The following RANBP2 variants were observed in gnomAD, a reference collection of about 807,000 sequenced individuals.
RANBP2 encodes E3 SUMO-protein ligase RanBP2.
RANBP2 carries 57 observed loss-of-function variants against 303.6 expected under a neutral mutation model. The observed-to-expected ratio is 0.19, with a 90% CI of 0.15 to 0.23. The LOEUF is 0.23. RANBP2 is among the 10% of genes least tolerant of loss of function. RANBP2 has a pLI of 1.00. For missense variants in RANBP2, 3,138 were observed against 3,780.8 expected, an observed-to-expected ratio of 0.83 and a Z score of 4.46; for synonymous variants, 1,167 against 1,301.5, an observed-to-expected ratio of 0.90 and a Z score of 2.23.
chr2:109,055,969 AG>A, the RANBP2 span, among the ~76,000 whole-genome samples: 1 of 151,710 alleles, frequency 6.6e-6, no homozygotes, highest in East Asian at 1.9e-4. Flanking sequence ...CATCTTGGCC[AG>A]GCTGGTCTTG....
At chr2:108,898,056 T>A in the RANBP2 span, among the ~76,000 whole-genome samples, 1 of 152,202 alleles carries the variant, frequency 6.6e-6, no homozygotes, top group Non-Finnish European at 1.5e-5. Flanking sequence ...AAAAGTCTTC[T>A]GTCTCTAGTC....
the RANBP2 span, among the ~76,000 whole-genome samples, chr2:109,411,198 G>A: frequency 5.3e-5 from 8 of 152,188 alleles, no homozygotes; most frequent in Non-Finnish European, 8.8e-5. Context: ...GGGGAGAGGC[G>A]CCATTGGTTG....
chr2:109,051,008 C>T, the RANBP2 span, among the ~76,000 whole-genome samples: 5 of 152,200 alleles, frequency 3.3e-5, no homozygotes, highest in African/African-American at 7.2e-5. Flanking sequence ...CTTCCTCTGC[C>T]CCAGTTCTCC....
At chr2:108,994,296 C>T in the RANBP2 span, among the ~76,000 whole-genome samples, 1 of 152,154 alleles carries the variant, frequency 6.6e-6, no homozygotes, top group Non-Finnish European at 1.5e-5. Flanking sequence ...AAAGGCATGC[C>T]CTCTCCCGTG....
the RANBP2 span, among the ~76,000 whole-genome samples, chr2:109,013,331 T>G: frequency 1.3e-5 from 2 of 152,194 alleles, no homozygotes; most frequent in African/African-American, 4.8e-5. Context: ...ACAGCAGGTT[T>G]TTGCAAAGCT....
chr2:109,743,036 G>A, the RANBP2 span, among the ~76,000 whole-genome samples: 6 of 148,246 alleles, frequency 4.0e-5, no homozygotes, highest in East Asian at 9.7e-4. Flanking sequence ...TTTGGGAGGC[G>A]GAGATGGGAG....
At chr2:109,129,738 C>A in the RANBP2 span, 2 of 1,539,118 alleles carry the variant, frequency 1.3e-6, no homozygotes, top group Non-Finnish European at 1.7e-6. Flanking sequence ...GCCTGGACAC[C>A]ACGGCCAAGG....
In RANBP2 at chr2:108,767,105, C is replaced by G; in HGVS notation, c.6566C>G (p.Thr2189Arg). 6.2e-7 allele frequency: 1 copy of G among 1,611,490 alleles called. No homozygotes were observed. Among genetic ancestry groups the G allele is most frequent in the South Asian group, 1.1e-5 (1 of 90,986 alleles). ...AAAACATTTTTGACAAATGATCAAA[C>G]AAAAGTCACTGAGGAAGAAAATAAG... ...DFKTFLTNDQ[T>R]KVTEEENKGS... is the part of the protein sequence containing the mutation. The change falls in exon 20 of 29, where the codon ACA becomes AGA. Residue 2189 changes from threonine to arginine, a missense_variant. Physicochemically the swap from Thr to Arg is moderately conservative, Grantham distance 71. This residue lies in a region of RANBP2 where 103 missense variants were observed against 214.3 expected (regional missense o/e 0.48). Coordinates refer to ENST00000283195, the MANE Select transcript of RANBP2 (RefSeq NM_006267.5).
At chr2:108,845,958 A>G in the RANBP2 span, among the ~76,000 whole-genome samples, 2 of 150,818 alleles carry the variant, frequency 1.3e-5, no homozygotes, top group Non-Finnish European at 3.0e-5. Flanking sequence ...TATTTTGCCC[A>G]TTTTTTTTTG....
the RANBP2 span, among the ~76,000 whole-genome samples, chr2:108,857,174 G>C: frequency 2.3e-5 from 3 of 128,690 alleles, no homozygotes; most frequent in African/African-American, 5.7e-5. Context: ...TGACTCCCTG[G>C]TTCAAGCAAT....
chr2:108,848,044 A>G, the RANBP2 span, among the ~76,000 whole-genome samples: 1 of 152,206 alleles, frequency 6.6e-6, no homozygotes, highest in Non-Finnish European at 1.5e-5. Flanking sequence ...CTAAATAAGA[A>G]TTTTAGCTGA....
At chr2:108,813,431 T>C in the RANBP2 span, among the ~76,000 whole-genome samples, 7 of 152,230 alleles carry the variant, frequency 4.6e-5, no homozygotes, top group Admixed American at 4.6e-4. Flanking sequence ...AAATATACTT[T>C]CATTTGTGAA....
chr2:109,438,939 T>C, the RANBP2 span, among the ~76,000 whole-genome samples: 3 of 152,192 alleles, frequency 2.0e-5, no homozygotes, highest in Non-Finnish European at 4.4e-5. Context: ...TGTTTCCACA[T>C]GCACCAGCAC....
the RANBP2 span, among the ~76,000 whole-genome samples, chr2:109,519,566 T>C: frequency 6.6e-6 from 1 of 152,222 alleles, no homozygotes; most frequent in Non-Finnish European, 1.5e-5. Context: ...CTACAGTTGC[T>C]GGGGAGATCA....
At chr2:109,629,204 A>AAAT in the RANBP2 span, among the ~76,000 whole-genome samples, 2 of 7,970 alleles carry the variant, frequency 2.5e-4, no homozygotes, top group African/African-American at 1.5e-3. Flanking sequence ...TCCGTCTCAA[A>AAAT]AATAAATAAA....
At chr2:109,524,465 AAC>A in the RANBP2 span, among the ~76,000 whole-genome samples, 102 of 55,020 alleles carry the variant, frequency 1.9e-3, no homozygotes, top group Middle Eastern at 7.8e-3. Context: ...AAAAAAAAAA[AAC>A]AAAACAACAC....
the RANBP2 span, among the ~76,000 whole-genome samples, chr2:109,647,597 T>C: frequency 1.3e-5 from 2 of 152,052 alleles, no homozygotes; most frequent in Non-Finnish European, 2.9e-5. Context: ...GCCTCCCTAG[T>C]AGCCGGGATT....
chr2:109,598,925 T>C, the RANBP2 span, among the ~76,000 whole-genome samples: 1 of 152,050 alleles, frequency 6.6e-6, no homozygotes, highest in Non-Finnish European at 1.5e-5. Flanking sequence ...GGGCCTATTT[T>C]ATGAGTTTCA....
the RANBP2 span, chr2:109,128,916 T>C: frequency 2.7e-6 from 1 of 368,144 alleles, no homozygotes; most frequent in Non-Finnish European, 5.5e-6. Flanking sequence ...CGAAGGGAAG[T>C]CCTGCAGGCA....
Sources: allele counts gnomAD v4.1 joint callset (sites outside exome capture counted in the v4.1 genomes callset), GRCh38; gene constraint gnomAD v4.1.1; regional missense constraint gnomAD v4.1.1; transcripts MANE v1.5; gene names NCBI Gene and HGNC (gene_info 2026-07-23, HGNC 2026-07-21).